The following MBNL2 variants were observed in gnomAD, a reference collection of about 807,000 sequenced individuals.
MBNL2 encodes the protein muscleblind-like protein 2.
Under a neutral mutation model 41.9 loss-of-function variants are expected in MBNL2, and 17 were observed. That is an observed-to-expected ratio of 0.41 (90% CI 0.28 to 0.61). The LOEUF (loss-of-function observed/expected upper bound fraction) is 0.61. Ranked by LOEUF, MBNL2 falls within the 20% of genes least tolerant of loss-of-function variation. The pLI is 0.35. For synonymous variants in MBNL2, 195 were observed against 182.9 expected, an observed-to-expected ratio of 1.07 and a Z score of -0.53; for missense variants, 336 against 505.6, an observed-to-expected ratio of 0.66 and a Z score of 3.22.
chr13:97,193,997 G>A, the MBNL2 span, among the ~76,000 whole-genome samples: 3 of 152,076 alleles, frequency 2.0e-5, no homozygotes, highest in Admixed American at 1.3e-4. Context: ...ATGTTACTTG[G>A]AACATCCTTC....
rs954550250 is a variant in MBNL2 at position 97,393,090 on chromosome 13, A to G, written c.*1641A>G. On this transcript the variant is annotated 3_prime_UTR_variant, in exon 9 of 9. Coordinates refer to ENST00000679496, the MANE Select transcript of MBNL2 (RefSeq NM_001382683.1). ...TATCTAAAAGAAAGTCACACGCTAA[A>G]TGTATTCTTACATAGTGCTTGTATC... The G allele has an allele frequency of 1.8e-4, 28 of 152,436 alleles. No individual in the cohort carries two copies. The highest frequency in any genetic ancestry group is 6.5e-4 in the African/African-American group (27 of 41,450). The allele number at this position is 152,436 out of a possible 1,614,324, so 9.4% of individuals were successfully genotyped here.
intron 8 of MBNL2, among the ~76,000 whole-genome samples, chr13:97,372,532 A>C (rs1046550897): frequency 6.6e-6 from 1 of 152,224 alleles, no homozygotes; most frequent in African/African-American, 2.4e-5. Context: ...AAATTAGTTG[A>C]TAATATGTCA....
chr13:97,369,374 C>A (rs894455763), intron 8 of MBNL2, among the ~76,000 whole-genome samples: 1 of 152,090 alleles, frequency 6.6e-6, no homozygotes, highest in African/African-American at 2.4e-5. Flanking sequence ...CTCTGAGATT[C>A]AGTGAACCAA....
At chr13:97,266,218 G>A (rs1490700049) in intron 1 of MBNL2, among the ~76,000 whole-genome samples, 1 of 152,008 alleles carries the variant, frequency 6.6e-6, no homozygotes. Context: ...CTCCAGCCTA[G>A]GCAACAGAGC....
the MBNL2 span, among the ~76,000 whole-genome samples, chr13:97,190,834 G>A: frequency 1.3e-5 from 2 of 152,122 alleles, no homozygotes; most frequent in Non-Finnish European, 2.9e-5. Context: ...TGGATTTATA[G>A]GCACTAGAAT....
chr13:97,343,870 A>T lies in MBNL2; in HGVS notation c.540+654A>T, dbSNP rs141176958. On this transcript the variant is annotated intron_variant, in intron 4 of 8. Transcript: ENST00000679496. ...TGCCCAGGCTGGAGTGCAATGGTGCAATCTTGGCTCACCACAACCTCCTCT... is the reference window on the plus strand; with the variant it reads ...TGCCCAGGCTGGAGTGCAATGGTGCTATCTTGGCTCACCACAACCTCCTCT... 4.8e-3 allele frequency among the ~76,000 whole-genome samples: 735 copies of T among 152,264 alleles called. 14 individuals carry two copies. The highest frequency in any genetic ancestry group is 0.034 in the Admixed American group (517 of 15,300).
intron 1 of MBNL2, among the ~76,000 whole-genome samples, chr13:97,266,244 G>A (rs996093974): frequency 4.0e-5 from 6 of 151,786 alleles, no homozygotes; most frequent in Middle Eastern, 3.4e-3. Flanking sequence ...TTCATCTCAC[G>A]AAAAATAAAT....
At chr13:97,385,184 C>T (rs2065826585) in intron 8 of MBNL2, among the ~76,000 whole-genome samples, 1 of 152,026 alleles carries the variant, frequency 6.6e-6, no homozygotes, top group African/African-American at 2.4e-5. Context: ...AATAAATTCC[C>T]AGCCCTATCC....
chr13:97,238,980 C>T (rs2043791662), intron 1 of MBNL2, among the ~76,000 whole-genome samples: 1 of 152,208 alleles, frequency 6.6e-6, no homozygotes, highest in Non-Finnish European at 1.5e-5. Context: ...AAGGCGTCTC[C>T]AAGGAGGCTT....
intron 7 of MBNL2, among the ~76,000 whole-genome samples, chr13:97,360,938 T>G (rs1359908543): frequency 6.6e-6 from 1 of 152,234 alleles, no homozygotes; most frequent in Non-Finnish European, 1.5e-5. Context: ...TTACATCAGA[T>G]TATCACATGA....
At chr13:97,198,678 C>T in the MBNL2 span, among the ~76,000 whole-genome samples, 5 of 152,108 alleles carry the variant, frequency 3.3e-5, no homozygotes, top group South Asian at 1.0e-3. Flanking sequence ...CAGTAAATGG[C>T]AACTCCATCC....
At chr13:97,299,193 T>C (rs2057360467) in intron 2 of MBNL2, among the ~76,000 whole-genome samples, 1 of 152,228 alleles carries the variant, frequency 6.6e-6, no homozygotes, top group South Asian at 2.1e-4. Context: ...TTTCTAGTTT[T>C]TTTTAACATT....
chr13:97,362,142 G>T (rs778336812), intron 7 of MBNL2, among the ~76,000 whole-genome samples: 11 of 148,742 alleles, frequency 7.4e-5, no homozygotes, highest in Non-Finnish European at 1.6e-4. Flanking sequence ...TTCAGATTTT[G>T]GATTTTTTTT....
At chr13:97,208,426 G>C in the MBNL2 span, among the ~76,000 whole-genome samples, 3 of 152,208 alleles carry the variant, frequency 2.0e-5, no homozygotes, top group Non-Finnish European at 4.4e-5. Context: ...GCTGGAACTT[G>C]AGCCTTTTGT....
At chr13:97,273,512 C>T (rs539316910) in intron 1 of MBNL2, among the ~76,000 whole-genome samples, 1 of 152,202 alleles carries the variant, frequency 6.6e-6, no homozygotes, top group African/African-American at 2.4e-5. Context: ...CTGCCTGGAC[C>T]CCTCAAATAT....
intron 2 of MBNL2, among the ~76,000 whole-genome samples, chr13:97,282,911 TCC>T (rs1566389112): frequency 6.6e-6 from 1 of 152,198 alleles, no homozygotes; most frequent in East Asian, 1.9e-4. Context: ...AGTGCAGTCA[TCC>T]CCAGAGAATG....
chr13:97,385,147 A>G (rs1024409884), intron 8 of MBNL2, among the ~76,000 whole-genome samples: 7 of 152,052 alleles, frequency 4.6e-5, no homozygotes, highest in African/African-American at 1.7e-4. Context: ...ACTTCAATTT[A>G]TTTAGCCATC....
At chr13:97,293,478 T>A (rs1284206989) in intron 2 of MBNL2, among the ~76,000 whole-genome samples, 1 of 152,212 alleles carries the variant, frequency 6.6e-6, no homozygotes, top group Non-Finnish European at 1.5e-5. Context: ...TACATGACAC[T>A]TGAGAAGATG....
the MBNL2 span, among the ~76,000 whole-genome samples, chr13:97,147,797 T>C: frequency 4.6e-5 from 7 of 152,126 alleles, no homozygotes; most frequent in Admixed American, 1.3e-4. Flanking sequence ...AAGAAATTCA[T>C]GGTCTGAAGG....
Sources: gnomAD v4.1 joint callset for allele counts (sites outside exome capture counted in the v4.1 genomes callset) on GRCh38, gnomAD v4.1.1 for gene constraint, MANE v1.5 for transcripts, NCBI Gene and HGNC (gene_info 2026-07-23, HGNC 2026-07-21) for gene names.